The following DGKB variants were observed in gnomAD, a reference collection of about 807,000 sequenced individuals.
DGKB encodes the protein 90 kDa diacylglycerol kinase.
Under a neutral mutation model 114.3 loss-of-function variants are expected in DGKB, and 67 were observed. The ratio of observed to expected loss-of-function variants is 0.59; its 90% confidence interval spans 0.48 to 0.72. The LOEUF (loss-of-function observed/expected upper bound fraction) is 0.72. DGKB is among the 30% of genes least tolerant of loss of function. The probability of loss-of-function intolerance (pLI) is 0.00; values close to 1 mark genes in which losing one functional copy is unlikely to be tolerated. For synonymous variants in DGKB, 398 were observed against 323.1 expected (o/e 1.23, Z -2.49); for missense variants, 907 against 975.2 (o/e 0.93, Z 0.93).
At chr7:14,466,141 T>TC (rs1297063101) in intron 21 of DGKB, among the ~76,000 whole-genome samples, 1 of 152,146 alleles carries the variant, frequency 6.6e-6, no homozygotes, top group Non-Finnish European at 1.5e-5. Context: ...TTGGTGACTA[T>TC]GAAACAGGAA....
intron 17 of DGKB, among the ~76,000 whole-genome samples, chr7:14,602,224 A>G (rs940690): frequency 0.62 from 94,603 of 151,822 alleles, 29,804 homozygotes; most frequent in Non-Finnish European, 0.64. Context: ...TTAGCCCAGG[A>G]TGGATCATAC....
intron 1 of DGKB, among the ~76,000 whole-genome samples, chr7:14,966,366 C>T (rs144363665): frequency 4.4e-4 from 67 of 152,048 alleles, no homozygotes; most frequent in African/African-American, 1.6e-3. Flanking sequence ...AATGGATTCC[C>T]ATCCTTTTCC....
intron 21 of DGKB, among the ~76,000 whole-genome samples, chr7:14,476,703 T>G (rs1469185257): frequency 6.6e-6 from 1 of 151,250 alleles, no homozygotes; most frequent in Non-Finnish European, 1.5e-5. Context: ...AAAAAACAAA[T>G]CAAGGAAATA....
At position 14,736,144 on chromosome 7, in the gene DGKB, G is replaced by C. The variant is rs10238323; in HGVS notation, c.219C>G (p.Ala73=). Reference sequence around the variant, plus strand: ...GTGCAGTGAAATCATCAGGAAGCTCGGCTTCCAGGAATGTCTTCATGAATA... The same window carrying C: ...GTGCAGTGAAATCATCAGGAAGCTCCGCTTCCAGGAATGTCTTCATGAATA... ...FKLFMKTFLE[A]ELPDDFTAHL... The change falls in exon 5 of 26, where the codon GCC becomes GCG. Residue 73 remains alanine, a synonymous_variant. Coordinates refer to ENST00000402815, the MANE Select transcript of DGKB (RefSeq NM_001350709.2). 13 of 1,606,446 alleles carry C rather than the reference G, an allele frequency of 8.1e-6. No homozygotes were observed. The highest frequency in any genetic ancestry group is 1.1e-5 in the Non-Finnish European group (13 of 1,174,274).
chr7:14,416,241 G>C (rs1195051495), intron 21 of DGKB, among the ~76,000 whole-genome samples: 3 of 151,718 alleles, frequency 2.0e-5, no homozygotes, highest in Non-Finnish European at 4.4e-5. Flanking sequence ...TTTATATAGG[G>C]TTTAGCTTTT....
At chr7:14,811,715 T>C (rs1843456839) in intron 2 of DGKB, among the ~76,000 whole-genome samples, 1 of 152,052 alleles carries the variant, frequency 6.6e-6, no homozygotes, top group South Asian at 2.1e-4. Context: ...ATATTTATCC[T>C]GTCACTAGAG....
In DGKB at chr7:14,841,327, G is replaced by A. The variant is rs1021846183; in HGVS notation, c.-64C>T. 1.4e-6 allele frequency: 2 copies of A among 1,408,718 alleles called. No individual in the cohort carries two copies. Among genetic ancestry groups the A allele is most frequent in the South Asian group, 1.2e-5 (1 of 80,378 alleles). The allele number at this position is 1,408,718 out of a possible 1,614,324, so 87.3% of individuals were successfully genotyped here. A position where few individuals can be genotyped will look rare whatever the true frequency, so the allele number is the denominator to read the frequency against. ...ATTCTTTATTCAGGTGTTGCGCAGA[G>A]GTCTATGCTTCAAAGATTCCACATG... is the stretch of plus-strand genomic sequence containing the variant. On this transcript the variant is annotated 5_prime_UTR_variant, in exon 2 of 26. Transcript: ENST00000402815.
intron 21 of DGKB, among the ~76,000 whole-genome samples, chr7:14,386,928 C>T (rs970902973): frequency 6.6e-5 from 10 of 151,858 alleles, no homozygotes; most frequent in Non-Finnish European, 1.3e-4. Context: ...CTTTAAATGA[C>T]ACTTGCTATT....
Position 14,623,975 on chromosome 7 carries a change from T to C in DGKB, c.1168-2481A>G, listed in dbSNP as rs151252301. On this transcript the variant is annotated intron_variant, in intron 14 of 25. Transcript: ENST00000402815. ...TTTCTCAGAGTTGTGTAAGGTTTAA[T>C]ATAAAATGTATAGTCTGTAATATTG... is the stretch of plus-strand genomic sequence containing the variant. Among the ~76,000 whole-genome samples, 1,107 of 152,250 alleles carry C rather than the reference T, an allele frequency of 7.3e-3. 12 individuals carry two copies. The highest frequency in any genetic ancestry group is 0.025 in the African/African-American group (1,044 of 41,538).
chr7:14,261,819 C>G (rs38282), intron 23 of DGKB, among the ~76,000 whole-genome samples: 8,332 of 152,162 alleles, frequency 0.055, 328 homozygotes, highest in East Asian at 0.17. Flanking sequence ...TCTTTTACGA[C>G]TAGACACAAT....
At chr7:14,718,453 C>G (rs1403762027) in intron 6 of DGKB, 89 bp downstream of exon 6, 1 of 1,229,036 alleles carries the variant, frequency 8.1e-7, no homozygotes, top group Non-Finnish European at 1.1e-6. Flanking sequence ...AATTATACAA[C>G]TATACTAATG....
chr7:14,162,753 T>C (rs1784090136), intron 25 of DGKB, among the ~76,000 whole-genome samples: 1 of 152,148 alleles, frequency 6.6e-6, no homozygotes, highest in African/African-American at 2.4e-5. Context: ...ATTGTAAACA[T>C]AACATTTGGG....
intron 1 of DGKB, among the ~76,000 whole-genome samples, chr7:14,855,125 T>C (rs1213489975): frequency 6.6e-6 from 1 of 152,204 alleles, no homozygotes; most frequent in Admixed American, 6.5e-5. Context: ...AATGAGGTTG[T>C]AATATTTTAA....
At chr7:14,393,272 A>C (rs750007087) in intron 21 of DGKB, among the ~76,000 whole-genome samples, 20 of 151,788 alleles carry the variant, frequency 1.3e-4, no homozygotes, top group Non-Finnish European at 2.5e-4. Context: ...TACAGGCGTG[A>C]GCCACCGCGC....
intron 21 of DGKB, among the ~76,000 whole-genome samples, chr7:14,473,673 G>T (rs1225258846): frequency 2.0e-5 from 3 of 152,146 alleles, no homozygotes; most frequent in South Asian, 4.1e-4. Context: ...CAGGATGGGG[G>T]ACTATACCCT....
intron 21 of DGKB, among the ~76,000 whole-genome samples, chr7:14,368,031 CT>C (rs1435186546): frequency 1.3e-5 from 2 of 152,042 alleles, no homozygotes; most frequent in South Asian, 2.1e-4. Flanking sequence ...ATGATATTTT[CT>C]TTTTTTAATT....
chr7:14,972,666 T>C (rs540353613), intron 1 of DGKB, among the ~76,000 whole-genome samples: 2 of 105,606 alleles, frequency 1.9e-5, no homozygotes, highest in East Asian at 4.1e-4. Context: ...CTCTCAAAGA[T>C]TGTTGAAAAA....
intron 21 of DGKB, among the ~76,000 whole-genome samples, chr7:14,420,328 T>G (rs1029392884): frequency 6.6e-6 from 1 of 152,006 alleles, no homozygotes; most frequent in Non-Finnish European, 1.5e-5. Flanking sequence ...GAAGTTCTCT[T>G]GTCTCATTGA....
chr7:14,768,186 A>C (rs933637062), intron 2 of DGKB, among the ~76,000 whole-genome samples: 1 of 151,964 alleles, frequency 6.6e-6, no homozygotes, highest in African/African-American at 2.4e-5. Context: ...AAAACTCAGG[A>C]ATGTGTCATA....
Sources: allele counts gnomAD v4.1 joint callset (sites outside exome capture counted in the v4.1 genomes callset), GRCh38; gene constraint gnomAD v4.1.1; transcripts MANE v1.5; gene names NCBI Gene and HGNC (gene_info 2026-07-23, HGNC 2026-07-21).